The following EFCAB11 variants were observed in gnomAD, a reference collection of about 807,000 sequenced individuals.
EFCAB11 encodes EF-hand calcium-binding domain-containing protein 11.
A neutral mutation model predicts 23.0 loss-of-function variants in EFCAB11; 14 were observed. That is an observed-to-expected ratio of 0.61 (90% confidence interval 0.40 to 0.95). EFCAB11 has a LOEUF of 0.95. Among genes scored for constraint, EFCAB11 ranks in the 40% least tolerant of loss-of-function variants. EFCAB11 has a pLI of 0.00. For synonymous variants in EFCAB11, 65 were observed against 66.6 expected (o/e 0.98, Z 0.11); for missense variants, 198 against 195.8 (o/e 1.01, Z -0.07).
Position 89,914,989 on chromosome 14 carries a change from A to C in EFCAB11, c.410+16552T>G, listed in dbSNP as rs182306181. On this transcript the variant is annotated intron_variant, in intron 5 of 5. Transcript: ENST00000316738. ...AGCCGCCCCCGCCCACACACACACA[A>C]AAAAGCAATGTTCCTGCTGTCACAG... Among the ~76,000 whole-genome samples, 136 of 152,214 alleles carry C rather than the reference A, an allele frequency of 8.9e-4. No homozygotes were observed. The Middle Eastern group carries it at 0.01, about 11-fold the overall frequency.
At chr14:89,840,846 A>G (rs1022151624) in intron 5 of EFCAB11, among the ~76,000 whole-genome samples, 12 of 152,380 alleles carry the variant, frequency 7.9e-5, no homozygotes, top group African/African-American at 2.4e-4. Flanking sequence ...GTTTTGGTTA[A>G]AAAGAATATT....
chr14:89,914,257 ACC>A (rs920798077), intron 5 of EFCAB11, among the ~76,000 whole-genome samples: 1 of 152,160 alleles, frequency 6.6e-6, no homozygotes, highest in Non-Finnish European at 1.5e-5. Flanking sequence ...GCATCATCAC[ACC>A]CAAGGAGGGA....
At chr14:89,838,371 G>A (rs1887151028) in intron 5 of EFCAB11, among the ~76,000 whole-genome samples, 1 of 151,272 alleles carries the variant, frequency 6.6e-6, no homozygotes, top group South Asian at 2.1e-4. Context: ...TGACAGAGCT[G>A]AAAAGAGATT....
chr14:89,867,409 T>C (rs1251999795), intron 5 of EFCAB11, among the ~76,000 whole-genome samples: 1 of 152,150 alleles, frequency 6.6e-6, no homozygotes, highest in Non-Finnish European at 1.5e-5. Context: ...ATCATGTTAA[T>C]GTGTGGCCTT....
At chr14:89,827,628 CTTTTTT>C (rs36007256) in intron 5 of EFCAB11, among the ~76,000 whole-genome samples, 13 of 105,112 alleles carry the variant, frequency 1.2e-4, no homozygotes, top group African/African-American at 3.3e-4. Context: ...TTTATTCACT[CTTTTTT>C]TTTTTTTTTT....
intron 5 of EFCAB11, among the ~76,000 whole-genome samples, chr14:89,842,788 T>G (rs1039961055): frequency 6.6e-6 from 1 of 152,098 alleles, no homozygotes; most frequent in African/African-American, 2.4e-5. Context: ...CCCTTTACCC[T>G]GTGCTCAAGC....
At chr14:89,827,176 C>T (rs1158730436) in intron 5 of EFCAB11, among the ~76,000 whole-genome samples, 1 of 152,140 alleles carries the variant, frequency 6.6e-6, no homozygotes, top group Admixed American at 6.6e-5. Context: ...CTCTACCATC[C>T]TCAGGGCTGA....
At chr14:89,923,311 A>C (rs1362609253) in intron 5 of EFCAB11, 1 of 152,212 alleles carries the variant, frequency 6.6e-6, no homozygotes, top group Non-Finnish European at 1.5e-5. Context: ...TCAATATATC[A>C]CATGTGAAAA....
At chr14:89,922,913 G>A (rs985754244) in intron 5 of EFCAB11, among the ~76,000 whole-genome samples, 1 of 152,158 alleles carries the variant, frequency 6.6e-6, no homozygotes, top group Non-Finnish European at 1.5e-5. Flanking sequence ...CGGCTTTCAA[G>A]ATAAGAAATA....
chr14:89,946,192 G>C (rs116855601), intron 3 of EFCAB11, among the ~76,000 whole-genome samples: 6,533 of 152,200 alleles, frequency 0.043, 214 homozygotes, highest in Non-Finnish European at 0.06. Flanking sequence ...GGGATTACAG[G>C]CTTGAGTCAT....
intron 5 of EFCAB11, among the ~76,000 whole-genome samples, chr14:89,914,950 G>C (rs1327285092): frequency 6.6e-6 from 1 of 151,812 alleles, no homozygotes; most frequent in East Asian, 1.9e-4. Context: ...AACAGTAAAG[G>C]GTTAAACAAA....
At chr14:89,837,148 G>A (rs1278360989) in intron 5 of EFCAB11, 1 of 455,456 alleles carries the variant, frequency 2.2e-6, no homozygotes, top group Non-Finnish European at 4.4e-6. Context: ...TTAGGCCTCT[G>A]CAACATACAG....
At chr14:89,880,963 T>C (rs1377104058) in intron 5 of EFCAB11, among the ~76,000 whole-genome samples, 1 of 152,064 alleles carries the variant, frequency 6.6e-6, no homozygotes, top group South Asian at 2.1e-4. Context: ...GGGGAAAGGA[T>C]AGAAGTCAGA....
chr14:89,919,623 A>C (rs1283785979), intron 5 of EFCAB11, among the ~76,000 whole-genome samples: 2 of 152,178 alleles, frequency 1.3e-5, no homozygotes, highest in Non-Finnish European at 2.9e-5. Flanking sequence ...GAGGCAGGTA[A>C]AAGTGAGTGA....
At chr14:89,802,755 C>T (rs183589100) in intron 5 of EFCAB11, among the ~76,000 whole-genome samples, 63 of 152,228 alleles carry the variant, frequency 4.1e-4, no homozygotes, top group Admixed American at 3.4e-3. Flanking sequence ...TTATATGCTA[C>T]GCAGAAACTT....
At chr14:89,924,769 T>A (rs139481659) in intron 5 of EFCAB11, 1 of 1,399,106 alleles carries the variant, frequency 7.1e-7, no homozygotes, top group Non-Finnish European at 9.7e-7. Context: ...CATGTGGCTA[T>A]GAAGCTCCTG....
At chr14:89,943,271 G>C (rs111433312) in intron 3 of EFCAB11, among the ~76,000 whole-genome samples, 8,916 of 149,926 alleles carry the variant, frequency 0.059, 853 homozygotes, top group African/African-American at 0.21. Flanking sequence ...TTTGAAACAG[G>C]GTCTCGCTCT....
chr14:89,849,538 T>C (rs1887535142), intron 5 of EFCAB11, among the ~76,000 whole-genome samples: 1 of 151,502 alleles, frequency 6.6e-6, no homozygotes, highest in South Asian at 2.1e-4. Context: ...AGTGGGATTG[T>C]GGGAGGTTTC....
intron 5 of EFCAB11, among the ~76,000 whole-genome samples, chr14:89,818,612 C>T (rs1344503163): frequency 6.6e-6 from 1 of 152,190 alleles, no homozygotes; most frequent in African/African-American, 2.4e-5. Context: ...AGACAAGCTA[C>T]AGCCTAGAAG....
Sources: allele counts gnomAD v4.1 joint callset (sites outside exome capture counted in the v4.1 genomes callset), GRCh38; gene constraint gnomAD v4.1.1; transcripts MANE v1.5; gene names NCBI Gene and HGNC (gene_info 2026-07-23, HGNC 2026-07-21).